The following DHX29 variants were observed in gnomAD, a reference collection of about 807,000 sequenced individuals.
The protein encoded by DHX29 is ATP-dependent RNA helicase DHX29.
Under a neutral mutation model 167.9 loss-of-function variants are expected in DHX29, and 79 were observed. The observed-to-expected ratio is 0.47, with a 90% CI of 0.39 to 0.57. The LOEUF is 0.57. Ranked by LOEUF, DHX29 falls within the 20% of genes least tolerant of loss-of-function variation. The pLI is 0.00. For synonymous variants in DHX29, 530 were observed against 546.0 expected (o/e 0.97, Z 0.41); for missense variants, 1,347 against 1,593.4 (o/e 0.85, Z 2.63).
At chr5:55,300,446 G>A (rs1214729808) in intron 1 of DHX29, among the ~76,000 whole-genome samples, 3 of 152,226 alleles carry the variant, frequency 2.0e-5, no homozygotes, top group Non-Finnish European at 4.4e-5. Flanking sequence ...GCGGAGGCGG[G>A]CAGATCACAT....
chr5:55,289,474 ATTG>A (rs1398874000), intron 7 of DHX29, 46 bp from the exon 8 acceptor site: 4 of 1,410,256 alleles, frequency 2.8e-6, no homozygotes, highest in Non-Finnish European at 3.7e-6. Context: ...TTTTAAAAAA[ATTG>A]TTATTTTTTA....
chr5:55,307,489 C>T lies in DHX29; in HGVS notation c.85G>A (p.Glu29Lys). The T allele has an allele frequency of 1.2e-6, 2 of 1,613,650 alleles. No homozygotes were observed. The highest frequency in any genetic ancestry group is 1.7e-6 in the Non-Finnish European group (2 of 1,179,966). The change falls in exon 1 of 27, where the codon GAG (glutamate) becomes AAG (lysine). Residue 29 changes from glutamate (E) to lysine (K), a missense_variant. Transcript: ENST00000251636. ...AVSASRAKSA[E>K]AGIAGEAQSK... ...TGGGCCTCCCCGGCAATTCCAGCCTCGGCAGATTTGGCTCTGGAAGCAGAC... is the reference window on the plus strand; with the variant it reads ...TGGGCCTCCCCGGCAATTCCAGCCTTGGCAGATTTGGCTCTGGAAGCAGAC...
chr5:55,300,365 A>G (rs1234558847), intron 1 of DHX29, among the ~76,000 whole-genome samples: 2 of 149,288 alleles, frequency 1.3e-5, no homozygotes, highest in Non-Finnish European at 3.0e-5. Context: ...ACAGAGTGAG[A>G]CCCTGTCTCT....
At position 55,290,303 on chromosome 5, in the gene DHX29, T is replaced by C. The variant is rs1445294956; in HGVS notation, c.822A>G (p.Ala274=). Residue 274 remains alanine (A), a synonymous_variant, in exon 7 of 27, where the codon GCA becomes GCG. Transcript: ENST00000251636. The part of the protein sequence containing the change: ...YLHLAAKLLD[A]KEQAATFKLE... ...GTTTAAAGGTAGCTGCTTGTTCTTT[T>C]GCATCCAGCAGTTTTGCTGCAAGAT... 1 of 1,612,284 alleles carries C rather than the reference T, an allele frequency of 6.2e-7. No homozygotes were observed. The highest frequency in any genetic ancestry group is 2.2e-5 in the East Asian group (1 of 44,832).
In DHX29 at chr5:55,269,560, T is replaced by A. The variant is rs1746749284; in HGVS notation, c.3147A>T (p.Ala1049=). 6.2e-7 allele frequency: 1 copy of A among 1,614,024 alleles called. No individual in the cohort carries two copies. Among genetic ancestry groups the A allele is most frequent in the African/African-American group, 1.3e-5 (1 of 74,930 alleles). ...CTCCAATTTTTCGGAGCAAATTCATTGCATTGCTGATCACTTGGAGCTGAG... is the reference window on the plus strand; with the variant it reads ...CTCCAATTTTTCGGAGCAAATTCATAGCATTGCTGATCACTTGGAGCTGAG... ...DPPQLQVISN[A]MNLLRKIGAC... Residue 1049 remains alanine (A), a synonymous_variant, in exon 21 of 27, where the codon GCA becomes GCT. Coordinates refer to ENST00000251636, the MANE Select transcript of DHX29 (RefSeq NM_019030.4).
At chr5:55,295,021 A>G (rs1748241869) in intron 5 of DHX29, 1 of 173,502 alleles carries the variant, frequency 5.8e-6, no homozygotes. Context: ...CAAGCTAGTC[A>G]TGTGGAAAAA....
At chr5:55,285,913 T>C in intron 8 of DHX29, 52 bp from the exon 9 acceptor site, 1 of 1,393,120 alleles carries the variant, frequency 7.2e-7, no homozygotes, top group Non-Finnish European at 9.7e-7. Context: ...GCATTCTCTT[T>C]TCAGTGATCA....
At chr5:55,265,122 A>T (rs1231526522) in intron 23 of DHX29, among the ~76,000 whole-genome samples, 1 of 151,682 alleles carries the variant, frequency 6.6e-6, no homozygotes, top group Non-Finnish European at 1.5e-5. Context: ...GATGAAGCTG[A>T]ATTGGATTAC....
intron 6 of DHX29, among the ~76,000 whole-genome samples, chr5:55,290,964 G>A (rs1274946754): frequency 6.6e-6 from 1 of 152,120 alleles, no homozygotes; most frequent in Admixed American, 6.6e-5. Context: ...GCAGTGAGCT[G>A]AGATCGTACC....
intron 26 of DHX29, among the ~76,000 whole-genome samples, chr5:55,257,576 C>G (rs1298387212): frequency 1.3e-5 from 2 of 152,162 alleles, no homozygotes; most frequent in Non-Finnish European, 2.9e-5. Context: ...AGGCGCAAGC[C>G]ACCATACCTG....
At chr5:55,276,999 G>A (rs1747146859) in intron 13 of DHX29, 107 bp downstream of exon 13, 1 of 723,824 alleles carries the variant, frequency 1.4e-6, no homozygotes. Flanking sequence ...CTGACTCACT[G>A]TACCTAGGAA....
chr5:55,257,349 C>T (rs889523806), intron 26 of DHX29, among the ~76,000 whole-genome samples: 5 of 152,100 alleles, frequency 3.3e-5, no homozygotes, highest in African/African-American at 1.2e-4. Context: ...GAAACAACAA[C>T]AAAAAAGTGG....
chr5:55,285,895 A>T (rs1747696583), intron 8 of DHX29, 34 bp from the exon 9 acceptor site: 1 of 1,476,632 alleles, frequency 6.8e-7, no homozygotes, highest in African/African-American at 1.4e-5. Context: ...TTCTTTAAAA[A>T]TGGTCAAGCA....
intron 26 of DHX29, 141 bp from the exon 27 acceptor site, chr5:55,256,681 G>C (rs1746073971): frequency 3.4e-6 from 2 of 581,584 alleles, no homozygotes; most frequent in Non-Finnish European, 5.5e-6. Context: ...TAAAACTAGA[G>C]ACACCTATAA....
Position 55,307,673 on chromosome 5 carries a change from T to A in DHX29, c.-100A>T, listed in dbSNP as rs1008631660. 4.8e-6 allele frequency: 7 copies of A among 1,462,636 alleles called. No individual in the cohort carries two copies. Among genetic ancestry groups the A allele is most frequent in the African/African-American group, 1.4e-5 (1 of 70,524 alleles). The allele number at this position is 1,462,636 out of a possible 1,614,324, so 90.6% of individuals were successfully genotyped here. On this transcript the variant is annotated 5_prime_UTR_variant, in exon 1 of 27. Coordinates refer to ENST00000251636, the MANE Select transcript of DHX29 (RefSeq NM_019030.4). ...TTCCCCGGCTCCGGGGCTGCCACCC[T>A]GCGCTTCGATCCGGGCTTCTCGGGC... is the stretch of plus-strand genomic sequence containing the variant.
At chr5:55,305,269 T>C (rs2111991784) in intron 1 of DHX29, among the ~76,000 whole-genome samples, 1 of 152,252 alleles carries the variant, frequency 6.6e-6, no homozygotes, top group East Asian at 1.9e-4. Context: ...CAAAAGGAAG[T>C]TGTTATCTGA....
chr5:55,261,414 T>C lies in DHX29; in HGVS notation c.3914A>G (p.Gln1305Arg). The C allele has an allele frequency of 1.3e-6, 2 of 1,578,970 alleles. No homozygotes were observed. Among genetic ancestry groups the C allele is most frequent in the Non-Finnish European group, 1.7e-6 (2 of 1,148,828 alleles). ...VLLFGGDIEV[Q>R]HRERLLSIDG... Reference sequence around the variant, plus strand: ...AATAGAAAGAAGACGTTCTCGGTGCTGAACTTCTATATCACCACCAAAAAG... The same window carrying C: ...AATAGAAAGAAGACGTTCTCGGTGCCGAACTTCTATATCACCACCAAAAAG... The change falls in exon 25 of 27, where the codon CAG becomes CGG. Residue 1305 changes from glutamine (Q) to arginine (R), a missense_variant. Transcript: ENST00000251636.
intron 12 of DHX29, among the ~76,000 whole-genome samples, chr5:55,279,962 G>T (rs1747320166): frequency 6.6e-6 from 1 of 151,984 alleles, no homozygotes; most frequent in Admixed American, 6.6e-5. Context: ...GTATAGATGG[G>T]CAGAAAATTT....
At chr5:55,276,623 A>T (rs1421617892) in intron 13 of DHX29, among the ~76,000 whole-genome samples, 1 of 152,208 alleles carries the variant, frequency 6.6e-6, no homozygotes, top group East Asian at 1.9e-4. Context: ...AGATATATTT[A>T]TATATACACA....
Sources: allele counts gnomAD v4.1 joint callset (sites outside exome capture counted in the v4.1 genomes callset), GRCh38; gene constraint gnomAD v4.1.1; transcripts MANE v1.5; gene names NCBI Gene and HGNC (gene_info 2026-07-23, HGNC 2026-07-21).